MYH15: variants seen among roughly 807,000 people sequenced by gnomAD.
The protein encoded by MYH15 is myosin heavy chain 15.
In MYH15, 227 loss-of-function variants were observed where a neutral mutation model predicts 240.5. The observed-to-expected ratio is 0.94, with a 90% CI of 0.85 to 1.05. The LOEUF is 1.05. Ranked by LOEUF, MYH15 falls within the 50% of genes least tolerant of loss-of-function variation. The probability of loss-of-function intolerance (pLI) is 0.00; values close to 1 mark genes in which losing one functional copy is unlikely to be tolerated. For synonymous variants in MYH15, 785 were observed against 796.7 expected, an observed-to-expected ratio of 0.99 and a Z score of 0.25; for missense variants, 2,217 against 2,247.5, an observed-to-expected ratio of 0.99 and a Z score of 0.27.
At chr3:108,457,141 T>C (rs1046769857) in intron 18 of MYH15, among the ~76,000 whole-genome samples, 1 of 152,168 alleles carries the variant, frequency 6.6e-6, no homozygotes, top group African/African-American at 2.4e-5. Flanking sequence ...TCAGATGAGA[T>C]GTTTATAAGC....
intron 1 of MYH15, 39 bp downstream of exon 1, chr3:108,510,404 G>A (rs765381783): frequency 7.2e-5 from 113 of 1,578,308 alleles, no homozygotes; most frequent in Non-Finnish European, 9.2e-5. Context: ...TCTTGAAGGA[G>A]CAAAATAAAG....
At chr3:108,389,340 C>A (rs2082406839) in intron 37 of MYH15, among the ~76,000 whole-genome samples, 1 of 152,162 alleles carries the variant, frequency 6.6e-6, no homozygotes, top group African/African-American at 2.4e-5. Context: ...AATTACAAAA[C>A]CACACCCAAA....
chr3:108,394,228 C>T, intron 35 of MYH15, 72 bp from the exon 36 acceptor site: 6 of 1,593,100 alleles, frequency 3.8e-6, no homozygotes, highest in Non-Finnish European at 5.1e-6. Context: ...CTGTTCAGGA[C>T]ATGCAATGGG....
chr3:108,476,463 C>G lies in MYH15; in HGVS notation c.1167G>C (p.Lys389Asn). Reference sequence around the variant, plus strand: ...CTTTGATTCTAGGATGGATCAAGCACTTTACCAACTCAGAGGAGTTAATGC... The same window carrying G: ...CTTTGATTCTAGGATGGATCAAGCAGTTTACCAACTCAGAGGAGTTAATGC... The part of the protein sequence containing the change: ...LMGINSSELV[K>N]CLIHPRIKVG... Residue 389 changes from lysine to asparagine, a missense_variant, in exon 12 of 41, where the codon AAG (lysine) becomes AAC (asparagine). Physicochemically the swap from Lys to Asn is moderately conservative, Grantham distance 94. Coordinates refer to ENST00000693548, the MANE Select transcript of MYH15 (RefSeq NM_014981.3). 1.2e-6 allele frequency: 2 copies of G among 1,613,442 alleles called. No homozygotes were observed.
At chr3:108,427,552 A>G (rs1046910363) in intron 27 of MYH15, among the ~76,000 whole-genome samples, 17 of 151,954 alleles carry the variant, frequency 1.1e-4, no homozygotes, top group African/African-American at 3.9e-4. Flanking sequence ...TTATTTGTAA[A>G]TTACCCAGTC....
chr3:108,409,047 A>T (rs571772726), intron 31 of MYH15, among the ~76,000 whole-genome samples: 2 of 152,268 alleles, frequency 1.3e-5, no homozygotes, highest in Non-Finnish European at 2.9e-5. Context: ...TGCCTTTAGT[A>T]CCTAAGAGGT....
intron 1 of MYH15, among the ~76,000 whole-genome samples, chr3:108,517,918 A>G (rs990264804): frequency 2.0e-5 from 3 of 152,206 alleles, no homozygotes; most frequent in Non-Finnish European, 1.5e-5. Context: ...AGTATGATAA[A>G]TGCTAGGTGC....
chr3:108,441,323 T>C (rs1307747877), intron 22 of MYH15, 63 bp from the exon 23 acceptor site: 40 of 1,584,932 alleles, frequency 2.5e-5, no homozygotes, highest in Non-Finnish European at 3.4e-5. Flanking sequence ...TAGGCGAAAA[T>C]GCTGCTTAAC....
chr3:108,387,963 G>C (rs2082396287), intron 38 of MYH15, among the ~76,000 whole-genome samples: 2 of 152,238 alleles, frequency 1.3e-5, no homozygotes, highest in African/African-American at 2.4e-5. Context: ...TCAGCCTCAG[G>C]AACCAGAATC....
At chr3:108,534,748 G>A in the MYH15 span, among the ~76,000 whole-genome samples, 2 of 151,732 alleles carry the variant, frequency 1.3e-5, no homozygotes, top group South Asian at 4.2e-4. Context: ...GGGCGTGGTG[G>A]GATGCACCTG....
chr3:108,407,298 AC>A (rs1267343501), intron 32 of MYH15, among the ~76,000 whole-genome samples: 5 of 152,010 alleles, frequency 3.3e-5, no homozygotes, highest in Admixed American at 3.3e-4. Context: ...CTTCCAAGAG[AC>A]CCCTGCCTAA....
Position 108,439,243 on chromosome 3 carries a change from T to G in MYH15, c.3075+494A>C, listed in dbSNP as rs186036463. On this transcript the variant is annotated intron_variant, in intron 24 of 40. Coordinates refer to ENST00000693548, the MANE Select transcript of MYH15 (RefSeq NM_014981.3). ...ATTTAGAGGCAAAATAGGGGCATCA[T>G]CTCTAGAATCTTAAAAGTATTTTCC... 3.2e-3 allele frequency among the ~76,000 whole-genome samples: 494 copies of G among 152,314 alleles called. 5 individuals carry two copies. The highest frequency in any genetic ancestry group is 3.2e-3 in the Non-Finnish European group (218 of 68,020).
At position 108,383,749 on chromosome 3, in the gene MYH15, A is replaced by AG; in HGVS notation, c.5632-21_5632-20insC. On this transcript the variant is annotated intron_variant, in intron 39 of 40. Transcript: ENST00000693548. ...TGTTTCCTATAAAAATAAAAAAAAAAAAAAAGAAATCTCCATGCCTATATA... is the reference window on the plus strand; with the variant it reads ...TGTTTCCTATAAAAATAAAAAAAAAAGAAAAAGAAATCTCCATGCCTATATA... 2.6e-6 allele frequency: 4 copies of AG among 1,537,136 alleles called. No individual in the cohort carries two copies. The highest frequency in any genetic ancestry group is 4.5e-5 in the East Asian group (2 of 44,064).
rs140273000 is a variant in MYH15 at position 108,486,759 on chromosome 3, G to A, written c.872-233C>T. Among the ~76,000 whole-genome samples the A allele has an allele frequency of 1.7e-3, 259 of 152,094 alleles. 1 individual carries two copies. The highest frequency in any genetic ancestry group is 3.0e-3 in the Admixed American group (46 of 15,284). On this transcript the variant is annotated intron_variant, in intron 9 of 40. Coordinates refer to ENST00000693548, the MANE Select transcript of MYH15 (RefSeq NM_014981.3). ...GACAGGCTGGCAAATTCAAAAAGCG[G>A]ATTCAATTGCAGCAGTTTCAATTGG...
upstream of MYH15, among the ~76,000 whole-genome samples, chr3:108,514,103 T>C (rs542952374): frequency 1.3e-5 from 2 of 152,198 alleles, no homozygotes; most frequent in Non-Finnish European, 2.9e-5. Flanking sequence ...AAGAATCATG[T>C]TGGTCTGACC....
In MYH15 at chr3:108,398,974, G is replaced by C. The variant is rs186016135; in HGVS notation, c.4929+101C>G. ...TCTCTCTGGAAAGATTAGATTTGTT[G>C]TCCTCATCTTTACTGCTGAACACAA... On this transcript the variant is annotated intron_variant, in intron 34 of 40. Transcript: ENST00000693548. 9.0e-5 allele frequency: 132 copies of C among 1,461,064 alleles called. No individual in the cohort carries two copies. In the East Asian group the frequency reaches 3.0e-3, roughly 33 times the overall value. 90.5% of individuals were successfully genotyped at this position (1,461,064 alleles called of 1,614,324 possible). A position where few individuals can be genotyped will look rare whatever the true frequency, so the allele number is the denominator to read the frequency against.
chr3:108,520,269 T>A (rs185276141), intron 1 of MYH15, among the ~76,000 whole-genome samples: 1 of 152,204 alleles, frequency 6.6e-6, no homozygotes, highest in African/African-American at 2.4e-5. Context: ...GAATACACCA[T>A]CTTTTTCTTA....
At chr3:108,386,850 A>G (rs1031204143) in intron 38 of MYH15, among the ~76,000 whole-genome samples, 1 of 152,150 alleles carries the variant, frequency 6.6e-6, no homozygotes, top group African/African-American at 2.4e-5. Flanking sequence ...AATAATATCT[A>G]TACAGATTCC....
chr3:108,383,005 A>G (rs1421637623), intron 40 of MYH15, among the ~76,000 whole-genome samples: 1 of 152,140 alleles, frequency 6.6e-6, no homozygotes, highest in Non-Finnish European at 1.5e-5. Flanking sequence ...CAGTAAAATC[A>G]GGGCAATGGC....
Sources: gnomAD v4.1 joint callset for allele counts (sites outside exome capture counted in the v4.1 genomes callset) on GRCh38, gnomAD v4.1.1 for gene constraint, MANE v1.5 for transcripts, NCBI Gene and HGNC (gene_info 2026-07-23, HGNC 2026-07-21) for gene names.